Variants in CTBP2 observed in about 807,000 individuals in gnomAD.
CTBP2 encodes the protein C-terminal binding protein 2.
A neutral mutation model predicts 80.3 loss-of-function variants in CTBP2; 30 were observed. The ratio of observed to expected loss-of-function variants is 0.37; its 90% confidence interval spans 0.28 to 0.51. The LOEUF is 0.51. Ranked by LOEUF, CTBP2 falls within the 20% of genes least tolerant of loss-of-function variation. The pLI, the probability that CTBP2 is intolerant of heterozygous loss-of-function variation, is 0.93. For missense variants in CTBP2, 1,212 were observed against 1,375.3 expected (o/e 0.88, Z 1.88); for synonymous variants, 594 against 587.4 (o/e 1.01, Z -0.16).
intron 1 of CTBP2, among the ~76,000 whole-genome samples, chr10:125,116,836 C>A (rs906001478): frequency 6.6e-6 from 1 of 152,210 alleles, no homozygotes; most frequent in Admixed American, 6.5e-5. Flanking sequence ...TCAAGGGCAG[C>A]GGTCAAGGAA....
chr10:125,110,671 T>G (rs1852157610), intron 2 of CTBP2, among the ~76,000 whole-genome samples: 1 of 152,252 alleles, frequency 6.6e-6, no homozygotes, highest in African/African-American at 2.4e-5. Flanking sequence ...CGAGAAATCC[T>G]AACACTATTT....
At chr10:125,107,589 G>C (rs551197379) in intron 2 of CTBP2, among the ~76,000 whole-genome samples, 1 of 152,326 alleles carries the variant, frequency 6.6e-6, no homozygotes, top group South Asian at 2.1e-4. Context: ...GAGGACCAAT[G>C]ATCAGGAAGA....
chr10:124,986,760 T>G lies in CTBP2; in HGVS notation c.*2758A>C, dbSNP rs928261880. On this transcript the variant is annotated 3_prime_UTR_variant, in exon 9 of 9. Transcript: ENST00000309035. ...TAATTTCTCTATGTATAGGGATAAT[T>G]TTTTAGTGGGCAGAGATCCTGTTCT... 6.6e-6 allele frequency: 1 copy of G among 152,192 alleles called. No homozygotes were observed. Among genetic ancestry groups the G allele is most frequent in the Non-Finnish European group, 1.5e-5 (1 of 68,038 alleles). The allele number at this position is 152,192 out of a possible 1,614,324, so 9.4% of individuals were successfully genotyped here. A position where few individuals can be genotyped will look rare whatever the true frequency, so the allele number is the denominator to read the frequency against.
At chr10:125,094,854 T>G (rs1451070816) in intron 2 of CTBP2, among the ~76,000 whole-genome samples, 1 of 142,902 alleles carries the variant, frequency 7.0e-6, no homozygotes, top group Non-Finnish European at 1.5e-5. Flanking sequence ...TGGGGCTGAT[T>G]ACCGGCAATT....
Position 124,985,000 on chromosome 10 carries a change from A to T in CTBP2, c.*4518T>A. ...GATGATGAAGATGAATGAAAAAAAA[A>T]ATCAAACAGCAGAAGACCAAGGCAT... On this transcript the variant is annotated 3_prime_UTR_variant, in exon 9 of 9. Coordinates refer to ENST00000309035, the MANE Select transcript of CTBP2 (RefSeq NM_022802.3). The T allele has an allele frequency of 2.5e-6, 4 of 1,598,918 alleles. No homozygotes were observed. The highest frequency in any genetic ancestry group is 3.4e-6 in the Non-Finnish European group (4 of 1,170,082).
chr10:125,140,340 C>T (rs1335962538), intron 1 of CTBP2, among the ~76,000 whole-genome samples: 1 of 151,432 alleles, frequency 6.6e-6, no homozygotes, highest in Non-Finnish European at 1.5e-5. Context: ...CCAGTCAGGG[C>T]TGGCCAATCA....
At chr10:125,054,466 G>A (rs763165505) in intron 2 of CTBP2, among the ~76,000 whole-genome samples, 1 of 152,150 alleles carries the variant, frequency 6.6e-6, no homozygotes, top group East Asian at 1.9e-4. Flanking sequence ...AACCCTCCCC[G>A]AGCCGGGCCT....
At chr10:125,126,734 C>T (rs930686603) in intron 1 of CTBP2, among the ~76,000 whole-genome samples, 6 of 142,904 alleles carry the variant, frequency 4.2e-5, no homozygotes, top group East Asian at 4.0e-4. Flanking sequence ...TTCTGATCAC[C>T]ACCCCCCGCT....
intron 1 of CTBP2, among the ~76,000 whole-genome samples, chr10:125,004,075 G>T (rs1954915120): frequency 6.6e-6 from 1 of 152,210 alleles, no homozygotes. Flanking sequence ...CTCTAGACAG[G>T]CCAGAGCCAT....
rs1859386178 is a variant in CTBP2, at chr10:125,149,336, T to G, written c.-206+10983A>C. On this transcript the variant is annotated intron_variant, in intron 1 of 10. Transcript: ENST00000337195. ...AGAAAGGAGAGGGCTGGCCCAGGGATGATCCTGGCCCCACCACCCTCTTCC... is the reference window on the plus strand; with the variant it reads ...AGAAAGGAGAGGGCTGGCCCAGGGAGGATCCTGGCCCCACCACCCTCTTCC... Among the ~76,000 whole-genome samples the G allele has an allele frequency of 2.0e-5, 3 of 152,202 alleles. No individual in the cohort carries two copies. The South Asian group carries it at 6.2e-4, about 31-fold the overall frequency.
At chr10:125,005,261 G>C (rs544455974) in intron 1 of CTBP2, among the ~76,000 whole-genome samples, 5 of 152,352 alleles carry the variant, frequency 3.3e-5, no homozygotes, top group Non-Finnish European at 7.3e-5. Context: ...GGGGTAGCCA[G>C]GTCCACAGCC....
chr10:125,131,259 G>A (rs955198627), intron 1 of CTBP2, among the ~76,000 whole-genome samples: 1 of 152,204 alleles, frequency 6.6e-6, no homozygotes. Flanking sequence ...GATCAGGAGC[G>A]TCTTCATGGC....
Position 124,998,136 on chromosome 10 carries a change from C to A in CTBP2, c.2013G>T (p.Val671=). The stretch of plus-strand genomic sequence containing the variant: ...AGATGGTAGAGTCCGCTGTCTCTTC[C>A]ACGGCTGCAGACGGGATGTTGCACA... The change falls in exon 4 of 9, where the codon GTG becomes GTT. Residue 671 remains valine, a synonymous_variant. Transcript: ENST00000309035. The A allele has an allele frequency of 6.2e-7, 1 of 1,611,042 alleles. No homozygotes were observed. The highest frequency in any genetic ancestry group is 8.5e-7 in the Non-Finnish European group (1 of 1,179,086).
rs533822086 is a variant in CTBP2 at position 124,987,611 on chromosome 10, AG to A, written c.*1906del. The stretch of plus-strand genomic sequence containing the variant: ...CTACCTTTTTGTTCCCTGGGGTAAT[AG>A]GTCAGTAACTATGAGCGCCGTCTCT... On this transcript the variant is annotated 3_prime_UTR_variant, in exon 9 of 9. Transcript: ENST00000309035. 1.3e-4 allele frequency: 20 copies of A among 152,222 alleles called. No homozygotes were observed. The East Asian group carries it at 3.9e-3, about 29-fold the overall frequency. 9.4% of individuals were successfully genotyped at this position (152,222 alleles called of 1,614,324 possible). A position where few individuals can be genotyped will look rare whatever the true frequency, so the allele number is the denominator to read the frequency against.
At chr10:125,047,124 T>C (rs1342635819) in intron 2 of CTBP2, among the ~76,000 whole-genome samples, 1 of 152,156 alleles carries the variant, frequency 6.6e-6, no homozygotes, top group Non-Finnish European at 1.5e-5. Context: ...AAATAAACTG[T>C]ATATTAGTTT....
intron 2 of CTBP2, among the ~76,000 whole-genome samples, chr10:125,069,155 T>C (rs115516614): frequency 0.021 from 3,171 of 152,230 alleles, 98 homozygotes; most frequent in African/African-American, 0.07. Context: ...CTTGGCTGAG[T>C]GACCACCTCC....
At chr10:125,127,577 C>T (rs1855485121) in intron 1 of CTBP2, among the ~76,000 whole-genome samples, 1 of 152,132 alleles carries the variant, frequency 6.6e-6, no homozygotes, top group Non-Finnish European at 1.5e-5. Flanking sequence ...TAGAAGGACC[C>T]ACATGGAATG....
intron 2 of CTBP2, among the ~76,000 whole-genome samples, chr10:125,092,859 T>C (rs72830899): frequency 6.6e-6 from 1 of 152,142 alleles, no homozygotes; most frequent in Admixed American, 6.5e-5. Flanking sequence ...CCCAGTGAGA[T>C]GTTCACACAA....
intron 1 of CTBP2, among the ~76,000 whole-genome samples, chr10:125,144,861 G>A (rs1338696776): frequency 6.6e-6 from 1 of 152,142 alleles, no homozygotes; most frequent in Non-Finnish European, 1.5e-5. Context: ...TTTCTAGCAG[G>A]TATGCTCTGA....
Sources: gnomAD v4.1 joint callset for allele counts (sites outside exome capture counted in the v4.1 genomes callset) on GRCh38, gnomAD v4.1.1 for gene constraint, MANE v1.5 for transcripts, NCBI Gene and HGNC (gene_info 2026-07-23, HGNC 2026-07-21) for gene names.